The following PPP6R2 variants were observed in gnomAD, a reference collection of about 807,000 sequenced individuals.
PPP6R2 encodes the protein serine/threonine-protein phosphatase 6 regulatory subunit 2.
A neutral mutation model predicts 100.2 loss-of-function variants in PPP6R2; 62 were observed. The observed-to-expected ratio is 0.62, with a 90% confidence interval of 0.50 to 0.76. The LOEUF is 0.76. PPP6R2 is among the 30% of genes least tolerant of loss of function. The pLI is 0.00. For missense variants in PPP6R2, 1,142 were observed against 1,276.3 expected, an observed-to-expected ratio of 0.89 and a Z score of 1.60; for synonymous variants, 525 against 514.7, an observed-to-expected ratio of 1.02 and a Z score of -0.27.
chr22:50,383,811 C>T (rs774487317), intron 2 of PPP6R2, among the ~76,000 whole-genome samples: 9 of 152,052 alleles, frequency 5.9e-5, no homozygotes, highest in Admixed American at 3.9e-4. Context: ...CTGAGGTGGG[C>T]GGATCACCTG....
chr22:50,398,661 G>T (rs988701086), intron 3 of PPP6R2, among the ~76,000 whole-genome samples: 1 of 151,182 alleles, frequency 6.6e-6, no homozygotes, highest in Admixed American at 6.6e-5. Context: ...GACTACAGGC[G>T]CACACCAGCA....
At chr22:50,348,914 G>A (rs1476225164) in intron 1 of PPP6R2, among the ~76,000 whole-genome samples, 2 of 152,138 alleles carry the variant, frequency 1.3e-5, no homozygotes, top group Non-Finnish European at 2.9e-5. Flanking sequence ...AAGCAGGGCC[G>A]GGCGCAGTGG....
At chr22:50,331,280 T>G in the PPP6R2 span, among the ~76,000 whole-genome samples, 1 of 152,332 alleles carries the variant, frequency 6.6e-6, no homozygotes, top group African/African-American at 2.4e-5. Flanking sequence ...TGTACAAGTC[T>G]CGGTGTGGAC....
intron 2 of PPP6R2, 141 bp downstream of exon 2, chr22:50,372,291 C>T (rs74435408): frequency 1.3e-5 from 2 of 152,266 alleles, no homozygotes; most frequent in African/African-American, 4.8e-5. Context: ...GTGGCTCACA[C>T]CTGTAATCTC....
At chr22:50,332,783 C>T in the PPP6R2 span, among the ~76,000 whole-genome samples, 4 of 151,186 alleles carry the variant, frequency 2.6e-5, no homozygotes, top group African/African-American at 9.7e-5. Flanking sequence ...ACCACCACGC[C>T]CAGCTAATTT....
At chr22:50,338,802 G>A (rs2042333651), upstream of PPP6R2, among the ~76,000 whole-genome samples, 1 of 100,276 alleles carries the variant, frequency 1.0e-5, no homozygotes, top group Admixed American at 9.6e-5. Context: ...GTGTATGTAC[G>A]GTGTCTGGTG....
At chr22:50,337,325 TGTG>T in the PPP6R2 span, among the ~76,000 whole-genome samples, 1 of 142,698 alleles carries the variant, frequency 7.0e-6, no homozygotes, top group Admixed American at 7.1e-5. Context: ...TGCATGTGTG[TGTG>T]GTGTGTGTGT....
chr22:50,436,471 G>C lies in PPP6R2; in HGVS notation c.1602+19G>C, dbSNP rs1831142331. 5.1e-6 allele frequency: 8 copies of C among 1,568,016 alleles called. No homozygotes were observed. In the South Asian group the frequency reaches 9.4e-5, roughly 18 times the overall value. ...GGACCTGGTGAGGAGGCTCGGGGCT[G>C]CCCCCTCGGTGCACGCACGGTGCTG... On this transcript the variant is annotated intron_variant, in intron 14 of 23. Transcript: ENST00000612753.
rs150842828 is a variant in PPP6R2 at position 50,364,356 on chromosome 22, C to T, written c.-147-7664C>T. Among the ~76,000 whole-genome samples, 280 of 152,140 alleles carry T rather than the reference C, an allele frequency of 1.8e-3. 3 individuals are homozygous for T. The highest frequency in any genetic ancestry group is 6.4e-3 in the African/African-American group (264 of 41,504). On this transcript the variant is annotated intron_variant, in intron 1 of 23. Coordinates refer to ENST00000612753, the MANE Select transcript of PPP6R2 (RefSeq NM_001242898.2). ...TATAAGTCATAAAATAATGAAATTA[C>T]GGATACTGCAAGTTAGTGATTGTCT...
At chr22:50,396,421 G>A (rs2056882504) in intron 3 of PPP6R2, among the ~76,000 whole-genome samples, 1 of 151,630 alleles carries the variant, frequency 6.6e-6, no homozygotes, top group Admixed American at 6.6e-5. Context: ...CTTGAACCTG[G>A]GAGGTAGAGG....
intron 2 of PPP6R2, among the ~76,000 whole-genome samples, chr22:50,388,106 T>G (rs1454651507): frequency 6.6e-6 from 1 of 152,042 alleles, no homozygotes. Flanking sequence ...GTGGCTCGCT[T>G]GAGCCCAGGT....
intron 2 of PPP6R2, among the ~76,000 whole-genome samples, chr22:50,389,555 TG>T (rs1341956158): frequency 6.2e-5 from 8 of 129,802 alleles, no homozygotes; most frequent in South Asian, 2.8e-4. Context: ...GATCTTTTTT[TG>T]TTTTTTTTTT....
At chr22:50,348,645 G>C (rs2044287483) in intron 1 of PPP6R2, among the ~76,000 whole-genome samples, 1 of 152,138 alleles carries the variant, frequency 6.6e-6, no homozygotes, top group South Asian at 2.1e-4. Context: ...GGAAGTCTGA[G>C]AAGTCCGAGG....
chr22:50,353,511 A>G (rs947158290), intron 1 of PPP6R2, among the ~76,000 whole-genome samples: 24 of 152,338 alleles, frequency 1.6e-4, no homozygotes, highest in Non-Finnish European at 2.1e-4. Flanking sequence ...ACAGGTCACC[A>G]TAACAGATAA....
In PPP6R2 at chr22:50,444,838, C is replaced by T. The variant is rs1041466645; in HGVS notation, c.*591C>T. 5 of 155,306 alleles carry T rather than the reference C, an allele frequency of 3.2e-5. No individual in the cohort carries two copies. Among genetic ancestry groups the T allele is most frequent in the African/African-American group, 1.2e-4 (5 of 41,428 alleles). 9.6% of individuals were successfully genotyped at this position (155,306 alleles called of 1,614,324 possible). ...GACTGCCTTAAAAACACAAGGCCCTCTAGGCCTGGCAGGGATGTCCCTGTG... is the reference window on the plus strand; with the variant it reads ...GACTGCCTTAAAAACACAAGGCCCTTTAGGCCTGGCAGGGATGTCCCTGTG... On this transcript the variant is annotated 3_prime_UTR_variant, in exon 24 of 24. Coordinates refer to ENST00000612753, the MANE Select transcript of PPP6R2 (RefSeq NM_001242898.2).
At chr22:50,379,477 C>T (rs2052408306) in intron 2 of PPP6R2, among the ~76,000 whole-genome samples, 2 of 152,108 alleles carry the variant, frequency 1.3e-5, no homozygotes, top group South Asian at 4.1e-4. Flanking sequence ...GCCTGGGTGA[C>T]AGAGTGAGAC....
At chr22:50,332,740 T>C in the PPP6R2 span, among the ~76,000 whole-genome samples, 6 of 151,822 alleles carry the variant, frequency 4.0e-5, no homozygotes, top group South Asian at 1.3e-3. Flanking sequence ...TCTCCTGCCT[T>C]AGCCTCCCAA....
intron 3 of PPP6R2, among the ~76,000 whole-genome samples, chr22:50,402,941 G>C (rs2058282767): frequency 6.6e-6 from 1 of 152,182 alleles, no homozygotes; most frequent in Non-Finnish European, 1.5e-5. Context: ...AGCTGGGTGT[G>C]GTGGCTCACG....
chr22:50,421,893 A>G (rs1357353938), intron 8 of PPP6R2, among the ~76,000 whole-genome samples: 3 of 152,200 alleles, frequency 2.0e-5, no homozygotes, highest in South Asian at 2.1e-4. Context: ...AAATAAAAAT[A>G]AAAGTCGACA....
Sources: gnomAD v4.1 joint callset for allele counts (sites outside exome capture counted in the v4.1 genomes callset) on GRCh38, gnomAD v4.1.1 for gene constraint, MANE v1.5 for transcripts, NCBI Gene and HGNC (gene_info 2026-07-23, HGNC 2026-07-21) for gene names.